PIBF1: variants seen among roughly 807,000 people sequenced by gnomAD.
The protein encoded by PIBF1 is progesterone-induced-blocking factor 1.
PIBF1 carries 90 observed loss-of-function variants against 112.5 expected under a neutral mutation model. That is an observed-to-expected ratio of 0.80 (90% CI 0.67 to 0.95). The LOEUF is 0.95. Ranked by LOEUF, PIBF1 falls within the 40% of genes least tolerant of loss-of-function variation. The pLI, the probability that PIBF1 is intolerant of heterozygous loss-of-function variation, is 0.00. For synonymous variants in PIBF1, 301 were observed against 288.6 expected (o/e 1.04, Z -0.44); for missense variants, 915 against 852.3 (o/e 1.07, Z -0.92).
chr13:72,958,550 T>C (rs1343706015), intron 14 of PIBF1, among the ~76,000 whole-genome samples: 2 of 152,126 alleles, frequency 1.3e-5, no homozygotes, highest in Non-Finnish European at 2.9e-5. Context: ...AATAAAATAC[T>C]AGCAGAAACA....
At chr13:72,808,072 C>T (rs2035825527) in intron 5 of PIBF1, among the ~76,000 whole-genome samples, 1 of 152,080 alleles carries the variant, frequency 6.6e-6, no homozygotes, top group African/African-American at 2.4e-5. Context: ...ATTTAATGGG[C>T]ATTTGAGTTA....
intron 17 of PIBF1, among the ~76,000 whole-genome samples, chr13:73,001,874 G>A (rs1274513781): frequency 3.3e-5 from 5 of 151,950 alleles, no homozygotes; most frequent in African/African-American, 7.2e-5. Context: ...TGCCCACCTC[G>A]GCTTCCCAAA....
At chr13:72,850,328 T>A (rs1182465889) in intron 9 of PIBF1, among the ~76,000 whole-genome samples, 1 of 152,226 alleles carries the variant, frequency 6.6e-6, no homozygotes, top group Non-Finnish European at 1.5e-5. Flanking sequence ...AAAAAATGTT[T>A]CACTTTATTC....
At chr13:72,862,107 A>T (rs2038720534) in intron 10 of PIBF1, among the ~76,000 whole-genome samples, 2 of 151,978 alleles carry the variant, frequency 1.3e-5, no homozygotes, top group Non-Finnish European at 2.9e-5. Context: ...ATGGACCAGG[A>T]AAAAAAACAT....
intron 16 of PIBF1, among the ~76,000 whole-genome samples, chr13:72,979,253 C>T (rs150935045): frequency 2.0e-5 from 3 of 152,248 alleles, no homozygotes; most frequent in African/African-American, 4.8e-5. Flanking sequence ...ACTCAGTAAT[C>T]GTCATTAATT....
At chr13:72,796,890 T>G (rs960499543) in intron 4 of PIBF1, among the ~76,000 whole-genome samples, 6 of 152,164 alleles carry the variant, frequency 3.9e-5, no homozygotes, top group Admixed American at 6.6e-5. Flanking sequence ...TTCTTTTTGT[T>G]GAGGGCTAGT....
intron 5 of PIBF1, among the ~76,000 whole-genome samples, chr13:72,798,722 G>A (rs190107557): frequency 1.3e-5 from 2 of 152,228 alleles, no homozygotes; most frequent in Admixed American, 1.3e-4. Flanking sequence ...AAAAATAATG[G>A]TAGATTGATT....
Position 72,982,432 on chromosome 13 carries a change from T to A in PIBF1, c.2049+8757T>A, listed in dbSNP as rs550605921. 2.6e-5 allele frequency among the ~76,000 whole-genome samples: 4 copies of A among 152,046 alleles called. No individual in the cohort carries two copies. The South Asian group carries it at 8.3e-4, about 32-fold the overall frequency. On this transcript the variant is annotated intron_variant, in intron 16 of 17. Transcript: ENST00000326291. Reference sequence around the variant, plus strand: ...GCCTGGGTAACAGAGCTAGACCCTATCTAAAAAAACACAAAAAATAAAAAT... The same window carrying A: ...GCCTGGGTAACAGAGCTAGACCCTAACTAAAAAAACACAAAAAATAAAAAT...
intron 13 of PIBF1, among the ~76,000 whole-genome samples, chr13:72,927,812 G>A (rs2041537885): frequency 1.3e-5 from 2 of 149,824 alleles, no homozygotes; most frequent in Non-Finnish European, 3.0e-5. Context: ...ATAAATCTGA[G>A]TATAATCTTT....
chr13:73,010,310 A>G (rs2044157477), intron 17 of PIBF1, among the ~76,000 whole-genome samples: 1 of 151,342 alleles, frequency 6.6e-6, no homozygotes, highest in African/African-American at 2.4e-5. Context: ...TGCAATTTAA[A>G]GAACAATGGT....
chr13:72,892,703 T>C (rs1425184797), intron 10 of PIBF1, among the ~76,000 whole-genome samples: 1 of 151,796 alleles, frequency 6.6e-6, no homozygotes. Context: ...TAAAACAGAC[T>C]ATGCTCTCTG....
chr13:72,849,234 A>T (rs1462662321), intron 9 of PIBF1, among the ~76,000 whole-genome samples: 1 of 152,222 alleles, frequency 6.6e-6, no homozygotes, highest in Admixed American at 6.5e-5. Context: ...CGTTAACTTT[A>T]TACAAGTATT....
chr13:72,998,027 T>C (rs1594344175), intron 16 of PIBF1, among the ~76,000 whole-genome samples: 1 of 152,174 alleles, frequency 6.6e-6, no homozygotes, highest in Non-Finnish European at 1.5e-5. Context: ...ACCCCACTTA[T>C]CATTTGTAAA....
chr13:72,960,334 C>T (rs1405209233), intron 14 of PIBF1, among the ~76,000 whole-genome samples: 1 of 152,116 alleles, frequency 6.6e-6, no homozygotes, highest in Non-Finnish European at 1.5e-5. Flanking sequence ...TCACTTGAGT[C>T]TGGGAGGTCG....
intron 16 of PIBF1, among the ~76,000 whole-genome samples, chr13:72,989,990 G>A (rs1201686139): frequency 2.0e-5 from 3 of 151,980 alleles, no homozygotes; most frequent in African/African-American, 7.3e-5. Context: ...GACACAGGTG[G>A]ATCACTTGAG....
At chr13:72,818,126 A>G (rs547425211) in intron 5 of PIBF1, among the ~76,000 whole-genome samples, 84 of 152,170 alleles carry the variant, frequency 5.5e-4, no homozygotes, top group African/African-American at 1.9e-3. Context: ...TTATTCTTCC[A>G]TGGAACTACT....
At chr13:72,864,349 A>T (rs547979401) in intron 10 of PIBF1, among the ~76,000 whole-genome samples, 1 of 152,328 alleles carries the variant, frequency 6.6e-6, no homozygotes, top group South Asian at 2.1e-4. Flanking sequence ...ACAAATATGT[A>T]AGTGTTACTA....
intron 14 of PIBF1, among the ~76,000 whole-genome samples, chr13:72,936,006 C>A (rs1293848801): frequency 1.5e-5 from 2 of 133,006 alleles, no homozygotes; most frequent in Non-Finnish European, 3.4e-5. Flanking sequence ...TTAATGATGT[C>A]TTTTTATTTA....
At chr13:72,956,563 G>GGTTTGTTTTTC (rs2042450791) in intron 14 of PIBF1, among the ~76,000 whole-genome samples, 1 of 152,148 alleles carries the variant, frequency 6.6e-6, no homozygotes, top group Non-Finnish European at 1.5e-5. Context: ...TGATCTATCT[G>GGTTTGTTTTTC]TGGCATGGCA....
Sources: allele counts gnomAD v4.1 joint callset (sites outside exome capture counted in the v4.1 genomes callset), GRCh38; gene constraint gnomAD v4.1.1; transcripts MANE v1.5; gene names NCBI Gene and HGNC (gene_info 2026-07-23, HGNC 2026-07-21).